Variants in PCNP observed in about 807,000 individuals in gnomAD.
PCNP encodes PEST proteolytic signal containing nuclear protein.
PCNP carries 6 observed loss-of-function variants against 21.8 expected under a neutral mutation model. That is an observed-to-expected ratio of 0.28 (90% CI 0.15 to 0.54). The LOEUF (loss-of-function observed/expected upper bound fraction) is 0.54, where lower values mean the gene tolerates loss of function less well. Ranked by LOEUF, PCNP falls within the 20% of genes least tolerant of loss-of-function variation. The probability of loss-of-function intolerance (pLI) is 0.95; values close to 1 mark genes in which losing one functional copy is unlikely to be tolerated. For synonymous variants in PCNP, 67 were observed against 73.2 expected (o/e 0.92, Z 0.43); for missense variants, 161 against 215.5 (o/e 0.75, Z 1.58).
At chr3:101,590,318 A>C (rs1318106642) in intron 4 of PCNP, 48 bp downstream of exon 4, 2 of 952,176 alleles carry the variant, frequency 2.1e-6, no homozygotes, top group Admixed American at 4.1e-5. Flanking sequence ...AAGGTGAATT[A>C]ACAAAAATAA....
chr3:101,583,523 G>A (rs1935340779), intron 2 of PCNP, among the ~76,000 whole-genome samples: 1 of 152,166 alleles, frequency 6.6e-6, no homozygotes, highest in African/African-American at 2.4e-5. Flanking sequence ...GGCTGAGGTG[G>A]GAGGATCACT....
intron 2 of PCNP, among the ~76,000 whole-genome samples, chr3:101,583,161 C>T (rs1935315308): frequency 6.6e-6 from 1 of 151,920 alleles, no homozygotes; most frequent in Non-Finnish European, 1.5e-5. Context: ...CTCTTCTCTA[C>T]AAAAAGTAAA....
At chr3:101,590,841 GCCCAGCTGTTTTTTCAAA>G (rs1317454960) in intron 4 of PCNP, among the ~76,000 whole-genome samples, 2 of 152,090 alleles carry the variant, frequency 1.3e-5, no homozygotes, top group African/African-American at 4.8e-5. Flanking sequence ...AAGCCACCAT[GCCCAGCTGTTTTTTCAAA>G]TAAGAAATAG....
chr3:101,588,121 A>T (rs553661550), intron 3 of PCNP, among the ~76,000 whole-genome samples: 2 of 152,272 alleles, frequency 1.3e-5, no homozygotes, highest in East Asian at 3.9e-4. Context: ...AATACAAAAA[A>T]TTAGCTGGGC....
In PCNP at chr3:101,590,267, GA is replaced by G; in HGVS notation, c.409del (p.Arg137GlyfsTer30). ...PEAKMRMKNI[G>X]RDTPTSAGPN... ...GCAAAGATGAGGATGAAGAATATTGGAAGGTATTATAATTTTTCATAAATAT... is the reference window on the plus strand; with the variant it reads ...GCAAAGATGAGGATGAAGAATATTGGAGGTATTATAATTTTTCATAAATAT... On this transcript the variant is annotated frameshift_variant and splice_region_variant, in exon 4 of 5. Transcript: ENST00000265260. LOFTEE classifies it high-confidence loss of function. 6.7e-7 allele frequency: 1 copy of G among 1,498,676 alleles called. No homozygotes were observed. Among genetic ancestry groups the G allele is most frequent in the Non-Finnish European group, 9.3e-7 (1 of 1,077,140 alleles). The allele number at this position is 1,498,676 out of a possible 1,614,324, so 92.8% of individuals were successfully genotyped here.
At chr3:101,580,148 T>C (rs1559958420) in intron 2 of PCNP, 144 bp downstream of exon 2, 1 of 635,658 alleles carries the variant, frequency 1.6e-6, no homozygotes, top group East Asian at 2.7e-5. Context: ...CTTAGATGAT[T>C]AGCACCCTGT....
At chr3:101,591,475 C>T (rs1339700425) in intron 4 of PCNP, among the ~76,000 whole-genome samples, 1 of 152,194 alleles carries the variant, frequency 6.6e-6, no homozygotes, top group Non-Finnish European at 1.5e-5. Flanking sequence ...TAGAGTCAGT[C>T]CCAGTGGCTG....
chr3:101,577,078 GC>G, intron 1 of PCNP: 1 of 674,276 alleles, frequency 1.5e-6, no homozygotes, highest in South Asian at 1.6e-5. Context: ...GCCCGCCTCG[GC>G]CTCCCGAAGT....
intron 4 of PCNP, among the ~76,000 whole-genome samples, chr3:101,591,316 T>C (rs1290599741): frequency 6.6e-6 from 1 of 152,214 alleles, no homozygotes; most frequent in African/African-American, 2.4e-5. Context: ...AACCCCATAC[T>C]ATGTCCCCAT....
chr3:101,574,567 T>A (rs1472949492), intron 1 of PCNP, among the ~76,000 whole-genome samples: 2 of 152,090 alleles, frequency 1.3e-5, no homozygotes, highest in Non-Finnish European at 2.9e-5. Context: ...GAGACCGAAC[T>A]CGGGGTGGGA....
chr3:101,577,873 C>T lies in PCNP; in HGVS notation c.65-1917C>T, dbSNP rs1935009476. Reference sequence around the variant, plus strand: ...GGTACCTTTGTGCTCTAAGGCTCACCCCTCTCCAACTACTCAATGAAAAAA... The same window carrying T: ...GGTACCTTTGTGCTCTAAGGCTCACTCCTCTCCAACTACTCAATGAAAAAA... On this transcript the variant is annotated intron_variant, in intron 1 of 4. Coordinates refer to ENST00000265260, the MANE Select transcript of PCNP (RefSeq NM_020357.3). 2.0e-5 allele frequency among the ~76,000 whole-genome samples: 3 copies of T among 152,036 alleles called. No individual in the cohort carries two copies. In the South Asian group the frequency reaches 6.2e-4, roughly 32 times the overall value.
chr3:101,590,368 A>T (rs1576623370), intron 4 of PCNP, 98 bp downstream of exon 4: 1 of 686,614 alleles, frequency 1.5e-6, no homozygotes, highest in East Asian at 2.8e-5. Flanking sequence ...TTTCTTGTGC[A>T]TTTGGGCAGA....
intron 3 of PCNP, among the ~76,000 whole-genome samples, chr3:101,586,392 T>C (rs1202519946): frequency 6.6e-6 from 1 of 152,000 alleles, no homozygotes. Context: ...GAATGACCTA[T>C]GGAAGTTTCA....
At chr3:101,583,008 A>G (rs908338350) in intron 2 of PCNP, among the ~76,000 whole-genome samples, 1 of 152,208 alleles carries the variant, frequency 6.6e-6, no homozygotes, top group African/African-American at 2.4e-5. Context: ...ATGGTACCAT[A>G]TAGATGGTTG....
At position 101,593,597 on chromosome 3, in the gene PCNP, T is replaced by G. The variant is rs1935920850; in HGVS notation, c.*844T>G. 6.6e-6 allele frequency: 1 copy of G among 152,596 alleles called. No homozygotes were observed. Among genetic ancestry groups the G allele is most frequent in the African/African-American group, 2.4e-5 (1 of 41,440 alleles). 9.5% of individuals were successfully genotyped at this position (152,596 alleles called of 1,614,324 possible). ...TAAATGTACATATTGCTTAAGTATT[T>G]GGCTGTTTTTATTTTTTAAAAGGTA... On this transcript the variant is annotated 3_prime_UTR_variant, in exon 5 of 5. Transcript: ENST00000265260.
intron 3 of PCNP, among the ~76,000 whole-genome samples, chr3:101,586,576 G>GAGAC (rs1935534234): frequency 1.3e-5 from 2 of 149,866 alleles, no homozygotes. Context: ...GTGTGTGAGA[G>GAGAC]AGAGAGAGAG....
chr3:101,575,916 GTCTTTT>G (rs1934854412), intron 1 of PCNP, among the ~76,000 whole-genome samples: 2 of 152,072 alleles, frequency 1.3e-5, no homozygotes, highest in South Asian at 4.1e-4. Context: ...AATTATTATG[GTCTTTT>G]TCTTGGTAAC....
At chr3:101,588,595 A>T (rs1048359502) in intron 3 of PCNP, among the ~76,000 whole-genome samples, 3 of 152,172 alleles carry the variant, frequency 2.0e-5, no homozygotes, top group Admixed American at 2.0e-4. Context: ...TTAATTAGTT[A>T]ATTTTGAAAT....
chr3:101,582,144 CAA>C (rs78761072), intron 2 of PCNP, among the ~76,000 whole-genome samples: 21,575 of 151,590 alleles, frequency 0.14, 1,585 homozygotes, highest in South Asian at 0.2. Flanking sequence ...TTTTGGAAAA[CAA>C]ATCTGTTTTT....
Sources: gnomAD v4.1 joint callset for allele counts (sites outside exome capture counted in the v4.1 genomes callset) on GRCh38, gnomAD v4.1.1 for gene constraint, MANE v1.5 for transcripts, NCBI Gene and HGNC (gene_info 2026-07-23, HGNC 2026-07-21) for gene names.